ZNF541: variants seen among roughly 807,000 people sequenced by gnomAD.
ZNF541 encodes the protein zinc finger protein 541.
A neutral mutation model predicts 123.5 loss-of-function variants in ZNF541; 23 were observed. The ratio of observed to expected loss-of-function variants is 0.19; its 90% CI spans 0.13 to 0.26. The LOEUF (loss-of-function observed/expected upper bound fraction) is 0.26. ZNF541 is among the 10% of genes least tolerant of loss of function. The pLI is 1.00. For missense variants in ZNF541, 1,612 were observed against 1,789.9 expected (o/e 0.90, Z 1.79); for synonymous variants, 751 against 754.5 (o/e 1.00, Z 0.08).
intron 2 of ZNF541, among the ~76,000 whole-genome samples, chr19:47,563,031 A>G (rs2123374018): frequency 6.6e-6 from 1 of 152,352 alleles, no homozygotes; most frequent in South Asian, 2.1e-4. Flanking sequence ...CTAGGCCACC[A>G]GTTTCTACTT....
chr19:47,533,668 C>T (rs914991119), intron 9 of ZNF541, among the ~76,000 whole-genome samples: 1 of 151,988 alleles, frequency 6.6e-6, no homozygotes, highest in Non-Finnish European at 1.5e-5. Context: ...CATGGCAAAA[C>T]CCCATCTCTA....
intron 14 of ZNF541, among the ~76,000 whole-genome samples, chr19:47,522,654 G>C (rs1396486069): frequency 1.3e-5 from 2 of 151,750 alleles, no homozygotes; most frequent in Admixed American, 1.3e-4. Context: ...AAATTAGCCA[G>C]TCATGGTGGT....
At chr19:47,570,223 G>A (rs1397997690) in intron 2 of ZNF541, among the ~76,000 whole-genome samples, 7 of 150,116 alleles carry the variant, frequency 4.7e-5, no homozygotes, top group South Asian at 2.1e-4. Context: ...GCAGCAAGCC[G>A]AGATCACTCC....
chr19:47,544,376 G>A lies in ZNF541; in HGVS notation c.2153C>T (p.Ala718Val). 1 of 1,551,676 alleles carries A rather than the reference G, an allele frequency of 6.4e-7. No individual in the cohort carries two copies. The highest frequency in any genetic ancestry group is 8.7e-7 in the Non-Finnish European group (1 of 1,147,024). ...PPGASLPGKQ[A>V]PAENGAASRI... Reference sequence around the variant, plus strand: ...TGAAGCCGCGCCATTCTCGGCTGGGGCCTGCTTCCCTGGCAGCGAGGCTCC... The same window carrying A: ...TGAAGCCGCGCCATTCTCGGCTGGGACCTGCTTCCCTGGCAGCGAGGCTCC... The change falls in exon 5 of 17, where the codon GCC (alanine) becomes GTC (valine). Residue 718 changes from alanine to valine, a missense_variant. This residue lies in a region of ZNF541 where 1,080 missense variants were observed against 1,013.8 expected (regional missense o/e 1.07). Transcript: ENST00000391901.
chr19:47,546,097 T>C, intron 4 of ZNF541, 117 bp from the exon 5 acceptor site: 1 of 892,650 alleles, frequency 1.1e-6, no homozygotes, highest in Non-Finnish European at 1.5e-6. Flanking sequence ...TCAGAAATTG[T>C]ACTCAGCCCC....
At chr19:47,554,426 G>A (rs186890402) in intron 3 of ZNF541, among the ~76,000 whole-genome samples, 53 of 152,080 alleles carry the variant, frequency 3.5e-4, no homozygotes, top group Admixed American at 9.2e-4. Flanking sequence ...GCGAGACTCC[G>A]TCTCAAAAAA....
At chr19:47,523,383 G>T (rs1323596793) in intron 14 of ZNF541, among the ~76,000 whole-genome samples, 1 of 147,788 alleles carries the variant, frequency 6.8e-6, no homozygotes, top group East Asian at 1.9e-4. Flanking sequence ...AATTGCTCTA[G>T]GAAGAAAATT....
intron 2 of ZNF541, among the ~76,000 whole-genome samples, chr19:47,568,474 G>C (rs1971351399): frequency 6.6e-6 from 1 of 152,092 alleles, no homozygotes. Context: ...CACCCGAGTA[G>C]CTGGGTTTAC....
Position 47,544,144 on chromosome 19 carries a change from T to A in ZNF541, c.2385A>T (p.Thr795=). ...CTGGTACCTGGATTCTGCTGAATAT[T>A]GTCAGCTTGGACTTGGAGGGATCTG... ...PPADPSKSKL[T]IFSRIQGGNI... is the part of the protein sequence containing the mutation. Residue 795 remains threonine (T), a synonymous_variant, in exon 5 of 17, where the codon ACA becomes ACT. Transcript: ENST00000391901. The A allele has an allele frequency of 6.5e-7, 1 of 1,549,844 alleles. No individual in the cohort carries two copies. Among genetic ancestry groups the A allele is most frequent in the Non-Finnish European group, 8.7e-7 (1 of 1,145,616 alleles).
chr19:47,566,215 C>T (rs1019342245), intron 2 of ZNF541, among the ~76,000 whole-genome samples: 2 of 151,824 alleles, frequency 1.3e-5, no homozygotes, highest in African/African-American at 4.8e-5. Flanking sequence ...GCCATCATTC[C>T]ATGACTGGTG....
Position 47,544,600 on chromosome 19 carries a change from C to G in ZNF541, c.1929G>C (p.Thr643=), listed in dbSNP as rs1003647933. The G allele has an allele frequency of 6.4e-7, 1 of 1,550,942 alleles. No homozygotes were observed. The highest frequency in any genetic ancestry group is 1.2e-5 in the South Asian group (1 of 84,038). ...GVPREASPGS[T]RRDAKGGLKV... is the part of the protein sequence containing the mutation. ...TCAGTCCCCCCTTTGCGTCTCGTCT[C>G]GTGCTGCCGGGGGAGGCCTCTCTGG... is the stretch of plus-strand genomic sequence containing the variant. The change falls in exon 5 of 17, where the codon ACG becomes ACC. Residue 643 remains threonine (T), a synonymous_variant. Coordinates refer to ENST00000391901, the MANE Select transcript of ZNF541 (RefSeq NM_001277075.3).
At chr19:47,528,023 C>CA (rs960544024) in intron 14 of ZNF541, among the ~76,000 whole-genome samples, 1 of 116,254 alleles carries the variant, frequency 8.6e-6, no homozygotes, top group Non-Finnish European at 1.7e-5. Context: ...TTTTTTGAGA[C>CA]AGAGTCCTGG....
intron 12 of ZNF541, among the ~76,000 whole-genome samples, 198 bp from the exon 13 acceptor site, chr19:47,529,850 C>T (rs1393193769): frequency 6.6e-6 from 1 of 152,198 alleles, no homozygotes; most frequent in Admixed American, 6.5e-5. Flanking sequence ...AGGCACACCA[C>T]TGAATGCAGC....
intron 2 of ZNF541, among the ~76,000 whole-genome samples, chr19:47,567,899 T>A (rs545592559): frequency 3.9e-5 from 6 of 152,320 alleles, no homozygotes; most frequent in South Asian, 4.1e-4. Flanking sequence ...AAGTCTGAGA[T>A]TAATTTCTCC....
At chr19:47,536,816 C>T (rs1969844750) in intron 9 of ZNF541, among the ~76,000 whole-genome samples, 1 of 152,052 alleles carries the variant, frequency 6.6e-6, no homozygotes, top group African/African-American at 2.4e-5. Flanking sequence ...TTCATAATAG[C>T]CCAAAGTGGA....
At position 47,528,000 on chromosome 19, in the gene ZNF541, T is replaced by C. The variant is rs968042829; in HGVS notation, c.3570+950A>G. Among the ~76,000 whole-genome samples the C allele has an allele frequency of 2.3e-4, 27 of 115,534 alleles. No individual in the cohort carries two copies. The East Asian group carries it at 5.3e-3, about 23-fold the overall frequency. The allele number at this position is 115,534 out of a possible 152,430, so 75.8% of individuals were successfully genotyped here. On this transcript the variant is annotated intron_variant, in intron 14 of 16. Coordinates refer to ENST00000391901, the MANE Select transcript of ZNF541 (RefSeq NM_001277075.3). ...AGGCATAAACCACCACGCCAGGCCC[T>C]TTTTTTTTTTTTTTTTTTGAGACAG...
chr19:47,531,989 C>T, intron 11 of ZNF541, 139 bp downstream of exon 11: 1 of 1,216,278 alleles, frequency 8.2e-7, no homozygotes, highest in East Asian at 2.6e-5. Flanking sequence ...CAACGCTGGC[C>T]AAGAGCCAGC....
chr19:47,540,715 C>T (rs764750281), intron 6 of ZNF541, among the ~76,000 whole-genome samples, 178 bp downstream of exon 6: 2 of 152,214 alleles, frequency 1.3e-5, no homozygotes, highest in African/African-American at 4.8e-5. Context: ...GCTGGGATTA[C>T]AGGCGTGAGC....
At chr19:47,546,047 T>C (rs1600020845) in intron 4 of ZNF541, 67 bp from the exon 5 acceptor site, 5 of 1,364,444 alleles carry the variant, frequency 3.7e-6, no homozygotes, top group East Asian at 2.6e-5. Context: ...TGTAGGACCC[T>C]GGTGGCCCCC....
Sources: allele counts gnomAD v4.1 joint callset (sites outside exome capture counted in the v4.1 genomes callset), GRCh38; gene constraint gnomAD v4.1.1; regional missense constraint gnomAD v4.1.1; transcripts MANE v1.5; gene names NCBI Gene and HGNC (gene_info 2026-07-23, HGNC 2026-07-21).